TBC1D12: variants seen among roughly 807,000 people sequenced by gnomAD.
The protein encoded by TBC1D12 is TBC1 domain family member 12.
In TBC1D12, 56 loss-of-function variants were observed where a neutral mutation model predicts 86.7. The observed-to-expected ratio is 0.65, with a 90% CI of 0.52 to 0.81. The LOEUF is 0.81. TBC1D12 is among the 30% of genes least tolerant of loss of function. The pLI is 0.00. For synonymous variants in TBC1D12, 421 were observed against 411.7 expected, an observed-to-expected ratio of 1.02 and a Z score of -0.27; for missense variants, 1,023 against 1,038.8, an observed-to-expected ratio of 0.98 and a Z score of 0.21.
chr10:94,475,858 A>G (rs1032448249), intron 3 of TBC1D12, among the ~76,000 whole-genome samples: 1 of 152,202 alleles, frequency 6.6e-6, no homozygotes, highest in Non-Finnish European at 1.5e-5. Flanking sequence ...CTTGGTTCTT[A>G]GCTCTTTTTC....
intron 2 of TBC1D12, among the ~76,000 whole-genome samples, chr10:94,471,679 A>G (rs947568621): frequency 2.0e-5 from 3 of 152,094 alleles, no homozygotes; most frequent in African/African-American, 4.8e-5. Flanking sequence ...TCCATCATCC[A>G]CCATGGCCAT....
chr10:94,527,217 C>T lies in TBC1D12; in HGVS notation c.2001-3985C>T, dbSNP rs567807953. Among the ~76,000 whole-genome samples, 8 of 151,868 alleles carry T rather than the reference C, an allele frequency of 5.3e-5. No individual in the cohort carries two copies. In the South Asian group the frequency reaches 6.3e-4, roughly 12 times the overall value. On this transcript the variant is annotated intron_variant, in intron 11 of 12. Transcript: ENST00000225235. ...AAGTGATTCTCGTGCCTCAGCCACT[C>T]GAGTAGCTGGGACTACAGGTGTGCA...
chr10:94,407,091 G>A (rs1389140727), intron 1 of TBC1D12, among the ~76,000 whole-genome samples: 2 of 152,106 alleles, frequency 1.3e-5, no homozygotes, highest in Non-Finnish European at 2.9e-5. Flanking sequence ...TAAGTAAAGA[G>A]GGGGGAGCAT....
chr10:94,456,668 G>C (rs756504426), intron 2 of TBC1D12, among the ~76,000 whole-genome samples: 1 of 152,190 alleles, frequency 6.6e-6, no homozygotes, highest in African/African-American at 2.4e-5. Flanking sequence ...GTAGTCTACA[G>C]ATGTCAATTA....
intron 2 of TBC1D12, among the ~76,000 whole-genome samples, chr10:94,456,208 T>C (rs927565235): frequency 1.3e-5 from 2 of 152,182 alleles, no homozygotes; most frequent in African/African-American, 4.8e-5. Context: ...TTTTTCTGCT[T>C]ACTTTGTAAT....
intron 2 of TBC1D12, among the ~76,000 whole-genome samples, chr10:94,445,701 A>G (rs899733649): frequency 6.6e-6 from 1 of 151,826 alleles, no homozygotes; most frequent in African/African-American, 2.4e-5. Flanking sequence ...TAATTCTAGC[A>G]CTTTGGGAGG....
intron 9 of TBC1D12, 36 bp downstream of exon 9, chr10:94,511,690 G>A: frequency 1.4e-6 from 2 of 1,382,678 alleles, no homozygotes; most frequent in Non-Finnish European, 2.1e-6. Flanking sequence ...TTGAATATAA[G>A]CATTTTATCT....
At chr10:94,520,070 TCAG>T (rs1467325363) in intron 9 of TBC1D12, among the ~76,000 whole-genome samples, 1 of 152,202 alleles carries the variant, frequency 6.6e-6, no homozygotes, top group African/African-American at 2.4e-5. Flanking sequence ...CAAAAAGTAC[TCAG>T]AAGAAGACAG....
intron 9 of TBC1D12, among the ~76,000 whole-genome samples, chr10:94,513,943 T>G (rs533886404): frequency 6.6e-6 from 1 of 152,152 alleles, no homozygotes; most frequent in South Asian, 2.1e-4. Context: ...CTGACATTTT[T>G]TGTAATGAGA....
chr10:94,408,287 T>C (rs2054883701), intron 1 of TBC1D12, among the ~76,000 whole-genome samples: 1 of 152,156 alleles, frequency 6.6e-6, no homozygotes, highest in Non-Finnish European at 1.5e-5. Context: ...GAAAAGAAAA[T>C]TGACTTTATA....
chr10:94,468,691 T>C (rs745502834), intron 2 of TBC1D12, among the ~76,000 whole-genome samples: 4 of 152,208 alleles, frequency 2.6e-5, no homozygotes, highest in African/African-American at 7.2e-5. Context: ...CTGCTTAGAA[T>C]TTATTGAACT....
chr10:94,460,735 A>G (rs371444452), intron 2 of TBC1D12, among the ~76,000 whole-genome samples: 11 of 151,488 alleles, frequency 7.3e-5, no homozygotes, highest in Non-Finnish European at 1.0e-4. Flanking sequence ...CTTGTCCGTT[A>G]TAGTTTTCCC....
intron 1 of TBC1D12, among the ~76,000 whole-genome samples, chr10:94,429,705 C>G (rs1477640080): frequency 6.6e-6 from 1 of 151,956 alleles, no homozygotes; most frequent in East Asian, 1.9e-4. Context: ...ATTTTTAAAA[C>G]TGATTTTACT....
intron 1 of TBC1D12, among the ~76,000 whole-genome samples, chr10:94,404,542 A>T (rs1174865232): frequency 6.6e-6 from 1 of 151,606 alleles, no homozygotes; most frequent in African/African-American, 2.4e-5. Context: ...GCTACTCGGG[A>T]TGCTGAGGCA....
Position 94,533,081 on chromosome 10 carries a change from T to G in TBC1D12, c.2313T>G (p.Pro771=). The change falls in exon 13 of 13, where the codon CCT becomes CCG. Residue 771 remains proline (P), a synonymous_variant. Coordinates refer to ENST00000225235, the MANE Select transcript of TBC1D12 (RefSeq NM_015188.2). ...AAGAAGGAGACAAGAACAGTAGTCCTGCTTTGAAAAGCTAGTCTTCAAAAT... is the reference window on the plus strand; with the variant it reads ...AAGAAGGAGACAAGAACAGTAGTCCGGCTTTGAAAAGCTAGTCTTCAAAAT... The part of the protein sequence containing the change: ...DIKEGDKNSS[P]ALKS 17 of 1,593,462 alleles carry G rather than the reference T, an allele frequency of 1.1e-5. No homozygotes were observed. The highest frequency in any genetic ancestry group is 1.5e-5 in the Non-Finnish European group (17 of 1,170,414).
At chr10:94,505,438 G>T (rs2056447828) in intron 6 of TBC1D12, among the ~76,000 whole-genome samples, 1 of 152,116 alleles carries the variant, frequency 6.6e-6, no homozygotes, top group South Asian at 2.1e-4. Flanking sequence ...AAATTAACTG[G>T]ATGTGTTGGT....
chr10:94,492,146 T>C (rs1279149633), intron 3 of TBC1D12, among the ~76,000 whole-genome samples: 1 of 152,214 alleles, frequency 6.6e-6, no homozygotes, highest in Non-Finnish European at 1.5e-5. Context: ...CATATTGTGC[T>C]GGGTTAACTT....
At chr10:94,441,384 A>T (rs2055378943) in intron 1 of TBC1D12, among the ~76,000 whole-genome samples, 1 of 152,088 alleles carries the variant, frequency 6.6e-6, no homozygotes, top group Admixed American at 6.6e-5. Flanking sequence ...ACTGTTATAT[A>T]GATTCTTTTA....
intron 11 of TBC1D12, among the ~76,000 whole-genome samples, chr10:94,528,874 A>G (rs1329423532): frequency 1.3e-5 from 2 of 151,638 alleles, no homozygotes; most frequent in South Asian, 4.1e-4. Context: ...GGAAGAGTAC[A>G]GATGACATAT....
Sources: allele counts gnomAD v4.1 joint callset (sites outside exome capture counted in the v4.1 genomes callset), GRCh38; gene constraint gnomAD v4.1.1; transcripts MANE v1.5; gene names NCBI Gene and HGNC (gene_info 2026-07-23, HGNC 2026-07-21).